The following PHLPP1 variants were observed in gnomAD, a reference collection of about 807,000 sequenced individuals.
PHLPP1 encodes the protein PH domain leucine-rich repeat-containing protein phosphatase 1.
A neutral mutation model predicts 117.2 loss-of-function variants in PHLPP1; 42 were observed. The observed-to-expected ratio is 0.36, with a 90% CI of 0.28 to 0.46. The LOEUF is 0.46. Ranked by LOEUF, PHLPP1 falls within the 20% of genes least tolerant of loss-of-function variation. The pLI is 1.00. For missense variants in PHLPP1, 2,084 were observed against 2,241.9 expected, an observed-to-expected ratio of 0.93 and a Z score of 1.42; for synonymous variants, 1,042 against 970.7, an observed-to-expected ratio of 1.07 and a Z score of -1.37.
At chr18:62,935,488 A>G (rs1599129834) in intron 10 of PHLPP1, among the ~76,000 whole-genome samples, 1 of 152,230 alleles carries the variant, frequency 6.6e-6, no homozygotes, top group Non-Finnish European at 1.5e-5. Context: ...GTAAATACCA[A>G]AATGCTTTTA....
At chr18:62,766,076 A>AAAAATTTATAT in intron 1 of PHLPP1, among the ~76,000 whole-genome samples, 2 of 21,648 alleles carry the variant, frequency 9.2e-5, no homozygotes, top group African/African-American at 3.0e-4. Flanking sequence ...AAAAAAAAAA[A>AAAAATTTATAT]ATATATATAT....
chr18:62,780,118 G>GT (rs1913076853), intron 1 of PHLPP1, among the ~76,000 whole-genome samples: 2 of 152,154 alleles, frequency 1.3e-5, no homozygotes, highest in Admixed American at 1.3e-4. Flanking sequence ...GGTTGTATGC[G>GT]TATGTGGTAT....
chr18:62,730,523 T>A (rs1390865763), intron 1 of PHLPP1, among the ~76,000 whole-genome samples: 4 of 152,066 alleles, frequency 2.6e-5, no homozygotes, highest in African/African-American at 4.8e-5. Context: ...AAGGTGATTT[T>A]AAAAAAATCT....
chr18:62,731,104 G>A (rs561363714), intron 1 of PHLPP1: 13 of 152,240 alleles, frequency 8.5e-5, no homozygotes, highest in African/African-American at 2.9e-4. Context: ...TGGCAACCCT[G>A]TGTTGAGTAA....
chr18:62,815,522 C>A (rs1391795019), intron 1 of PHLPP1, among the ~76,000 whole-genome samples: 1 of 152,148 alleles, frequency 6.6e-6, no homozygotes, highest in East Asian at 1.9e-4. Flanking sequence ...TCCTTGCTGG[C>A]TGTTGGCAGG....
chr18:62,755,750 A>G (rs1374355860), intron 1 of PHLPP1, among the ~76,000 whole-genome samples: 2 of 152,148 alleles, frequency 1.3e-5, no homozygotes. Flanking sequence ...TAGCAGCCCA[A>G]ACAGACTAAG....
rs569792200 is a variant in PHLPP1, at chr18:62,836,387, G to A, written c.1774-2397G>A. ...GCAGAGGTTGCAGTGAGCTGAGATC[G>A]TGCCACTGCACTGCAGCCTGGGCAA... is the stretch of plus-strand genomic sequence containing the variant. On this transcript the variant is annotated intron_variant, in intron 2 of 16. Transcript: ENST00000262719. 3.1e-4 allele frequency among the ~76,000 whole-genome samples: 47 copies of A among 151,236 alleles called. No individual in the cohort carries two copies. The East Asian group carries it at 7.5e-3, about 24-fold the overall frequency.
intron 1 of PHLPP1, chr18:62,779,271 T>C (rs1435750311): frequency 6.6e-6 from 1 of 152,208 alleles, no homozygotes; most frequent in Non-Finnish European, 1.5e-5. Flanking sequence ...TTTTTTTTCT[T>C]CAGGTTTCAT....
At chr18:62,790,995 A>T (rs1913439002) in intron 1 of PHLPP1, among the ~76,000 whole-genome samples, 1 of 152,096 alleles carries the variant, frequency 6.6e-6, no homozygotes, top group Non-Finnish European at 1.5e-5. Context: ...AGGGAGGAAG[A>T]CTGGCTTTGT....
chr18:62,853,573 T>C (rs181962763), intron 3 of PHLPP1, among the ~76,000 whole-genome samples: 4 of 152,318 alleles, frequency 2.6e-5, no homozygotes, highest in Admixed American at 1.3e-4. Flanking sequence ...TTTCCCCATG[T>C]TGGCCAGGCT....
At chr18:62,798,087 G>A (rs1344796629) in intron 1 of PHLPP1, among the ~76,000 whole-genome samples, 1 of 152,088 alleles carries the variant, frequency 6.6e-6, no homozygotes, top group South Asian at 2.1e-4. Flanking sequence ...TCTCAAACTT[G>A]AGCATGCATC....
chr18:62,737,618 T>A (rs1002701052), intron 1 of PHLPP1, among the ~76,000 whole-genome samples: 10 of 152,190 alleles, frequency 6.6e-5, no homozygotes, highest in Non-Finnish European at 1.2e-4. Context: ...AAGGAAAGCA[T>A]GCAGTGCTGC....
chr18:62,774,428 G>A (rs902587727), intron 1 of PHLPP1, among the ~76,000 whole-genome samples: 7 of 152,122 alleles, frequency 4.6e-5, no homozygotes, highest in Non-Finnish European at 1.0e-4. Context: ...TGAGCCTTTC[G>A]TTTTTCTTCT....
chr18:62,837,254 A>C (rs1036392047), intron 2 of PHLPP1, among the ~76,000 whole-genome samples: 1 of 152,170 alleles, frequency 6.6e-6, no homozygotes, highest in Admixed American at 6.6e-5. Context: ...GGTCTCCCGA[A>C]GTGCTGGGAT....
At chr18:62,956,652 G>C (rs765444345) in intron 12 of PHLPP1, among the ~76,000 whole-genome samples, 1 of 151,962 alleles carries the variant, frequency 6.6e-6, no homozygotes, top group South Asian at 2.1e-4. Context: ...GCTAACCCTG[G>C]GTGTGTTAGG....
chr18:62,926,451 C>A (rs1909629994), intron 10 of PHLPP1, among the ~76,000 whole-genome samples: 4 of 152,162 alleles, frequency 2.6e-5, no homozygotes, highest in Admixed American at 2.6e-4. Context: ...AGAGTTCTGC[C>A]TGTACTCTGA....
intron 10 of PHLPP1, among the ~76,000 whole-genome samples, chr18:62,940,675 T>C (rs892949779): frequency 3.3e-5 from 5 of 152,198 alleles, no homozygotes; most frequent in African/African-American, 1.2e-4. Context: ...TTATCCTCTT[T>C]TCACTCTAGC....
chr18:62,952,665 T>C (rs2144468129), intron 12 of PHLPP1, among the ~76,000 whole-genome samples: 1 of 152,360 alleles, frequency 6.6e-6, no homozygotes, highest in East Asian at 1.9e-4. Flanking sequence ...CTTGCTCTGT[T>C]GCGCATGCCG....
At position 62,903,180 on chromosome 18, in the gene PHLPP1, G is replaced by C; in HGVS notation, c.2647+14G>C. 1 of 1,566,250 alleles carries C rather than the reference G, an allele frequency of 6.4e-7. No individual in the cohort carries two copies. The highest frequency in any genetic ancestry group is 8.8e-7 in the Non-Finnish European group (1 of 1,140,652). ...CCTCTTCTAATGGTATGTATCATAG[G>C]CTACATCAAAGTTGCTCTTTTGGTT... On this transcript the variant is annotated intron_variant, in intron 7 of 16. Transcript: ENST00000262719.
Sources: allele counts gnomAD v4.1 joint callset (sites outside exome capture counted in the v4.1 genomes callset), GRCh38; gene constraint gnomAD v4.1.1; transcripts MANE v1.5; gene names NCBI Gene and HGNC (gene_info 2026-07-23, HGNC 2026-07-21).